The following SPTA1 variants were observed in gnomAD, a reference collection of about 807,000 sequenced individuals.
SPTA1 encodes spectrin alpha chain, erythrocytic 1.
Under a neutral mutation model 324.7 loss-of-function variants are expected in SPTA1, and 177 were observed. The ratio of observed to expected loss-of-function variants is 0.55; its 90% CI spans 0.48 to 0.62. The LOEUF (loss-of-function observed/expected upper bound fraction) is 0.62, where lower values mean the gene tolerates loss of function less well. SPTA1 is among the 20% of genes least tolerant of loss of function. The pLI is 0.00. For missense variants in SPTA1, 3,162 were observed against 2,883.6 expected (o/e 1.10, Z -2.21); for synonymous variants, 1,195 against 1,041.3 (o/e 1.15, Z -2.84).
rs777215763 is a variant in SPTA1 at position 158,661,343 on chromosome 1, C to A, written c.2531G>T (p.Ser844Ile). 2.5e-6 allele frequency: 4 copies of A among 1,613,828 alleles called. No individual in the cohort carries two copies. The African/African-American group carries it at 5.3e-5, about 22-fold the overall frequency. Residue 844 changes from serine (S) to isoleucine (I), a missense_variant, in exon 18 of 52, where the codon AGC becomes ATC. Transcript: ENST00000643759. ...RHRVILENIA[S>I]HEPRIQEITE... ...TATCTCTTGAATGCGTGGTTCATGG[C>A]TGGCAATGTTCTCCAGGATGACTCT...
At chr1:158,634,410 T>C (rs1650906386) in intron 39 of SPTA1, 133 bp downstream of exon 39, 1 of 1,342,178 alleles carries the variant, frequency 7.5e-7, no homozygotes, top group Admixed American at 1.7e-5. Flanking sequence ...TTTAAAACTG[T>C]CAGGATTATT....
intron 26 of SPTA1, 120 bp from the exon 27 acceptor site, chr1:158,647,840 T>C: frequency 1.9e-6 from 2 of 1,053,574 alleles, no homozygotes; most frequent in Non-Finnish European, 2.8e-6. Context: ...TACAAGTATG[T>C]CATCATACTT....
rs1433511024 is a variant in SPTA1, at chr1:158,653,202, C to T, written c.3188+72G>A. 3.7e-6 allele frequency: 6 copies of T among 1,602,948 alleles called. No homozygotes were observed. The South Asian group carries it at 5.5e-5, about 15-fold the overall frequency. ...ATCTCAAATCTAACAGATGCAGGGT[C>T]ATGAGAAGAAATGCCTTTGGCGAAA... On this transcript the variant is annotated intron_variant, in intron 22 of 51. Transcript: ENST00000643759.
intron 39 of SPTA1, among the ~76,000 whole-genome samples, chr1:158,633,335 C>T (rs1571405049): frequency 1.3e-5 from 2 of 152,220 alleles, no homozygotes; most frequent in East Asian, 3.9e-4. Flanking sequence ...TGAGATCTGT[C>T]TGTGTTATTT....
In SPTA1 at chr1:158,680,242, A is replaced by G. The variant is rs182146514; in HGVS notation, c.678+341T>C. Among the ~76,000 whole-genome samples, 1,009 of 152,184 alleles carry G rather than the reference A, an allele frequency of 6.6e-3. 1 individual carries two copies. Among genetic ancestry groups the G allele is most frequent in the Non-Finnish European group, 0.012 (784 of 68,006 alleles). On this transcript the variant is annotated intron_variant, in intron 5 of 51. Transcript: ENST00000643759. ...TGCTACTTTATTTTTGTGTTTTTTC[A>G]TGAAGAAAGAGTGCCCCATTAACAT...
intron 14 of SPTA1, among the ~76,000 whole-genome samples, chr1:158,668,806 T>A (rs1359562798): frequency 1.3e-5 from 2 of 152,080 alleles, no homozygotes. Context: ...AAAGCAAAAA[T>A]TCAAGCCCAG....
intron 51 of SPTA1, 140 bp downstream of exon 51, chr1:158,612,677 G>C (rs1271258083): frequency 1.1e-6 from 1 of 892,670 alleles, no homozygotes; most frequent in Non-Finnish European, 1.8e-6. Flanking sequence ...GGTTACCAAA[G>C]CAAATGACAT....
chr1:158,614,721 A>G (rs1649453849), intron 48 of SPTA1: 2 of 193,822 alleles, frequency 1.0e-5, no homozygotes, highest in South Asian at 2.1e-4. Context: ...ATTTATTATC[A>G]GACCATTTAC....
chr1:158,632,868 C>T (rs2101797947), intron 39 of SPTA1, among the ~76,000 whole-genome samples: 1 of 150,960 alleles, frequency 6.6e-6, no homozygotes, highest in African/African-American at 2.4e-5. Context: ...GCATTAAAAT[C>T]TGTGCATGAA....
chr1:158,610,991 A>G lies in SPTA1; in HGVS notation c.*273T>C. 1 of 383,018 alleles carries G rather than the reference A, an allele frequency of 2.6e-6. No homozygotes were observed. Among genetic ancestry groups the G allele is most frequent in the Non-Finnish European group, 4.8e-6 (1 of 206,484 alleles). The allele number at this position is 383,018 out of a possible 1,614,324, so 23.7% of individuals were successfully genotyped here. A position where few individuals can be genotyped will look rare whatever the true frequency, so the allele number is the denominator to read the frequency against. ...GACGTGCAAAACAGAACAAATAAAA[A>G]TAGAAACTTTGACACCCCTCAGCAG... On this transcript the variant is annotated 3_prime_UTR_variant, in exon 52 of 52. Coordinates refer to ENST00000643759, the MANE Select transcript of SPTA1 (RefSeq NM_003126.4).
At chr1:158,612,710 A>G in intron 51 of SPTA1, 107 bp downstream of exon 51, 1 of 1,348,690 alleles carries the variant, frequency 7.4e-7, no homozygotes, top group South Asian at 1.2e-5. Context: ...GAGGTCTGAA[A>G]AAAAAAAACA....
At chr1:158,653,211 A>G in intron 22 of SPTA1, 63 bp downstream of exon 22, 1 of 1,612,084 alleles carries the variant, frequency 6.2e-7, no homozygotes, top group Non-Finnish European at 8.5e-7. Flanking sequence ...TCATGAGAAG[A>G]AATGCCTTTG....
rs761477356 is a variant in SPTA1 at position 158,614,245 on chromosome 1, A to C, written c.6842+8T>G. 1.9e-6 allele frequency: 3 copies of C among 1,572,694 alleles called. No individual in the cohort carries two copies. The highest frequency in any genetic ancestry group is 2.2e-5 in the South Asian group (2 of 89,978). On this transcript the variant is annotated splice_region_variant and intron_variant, in intron 49 of 51. Transcript: ENST00000643759. ...CAAAGAAGCAGTTAACTATGAAATT[A>C]TACTCACTTATAGATTGTGCTAAAT...
chr1:158,642,679 A>G (rs1651695391), intron 32 of SPTA1, 135 bp downstream of exon 32: 2 of 1,561,082 alleles, frequency 1.3e-6, no homozygotes, highest in African/African-American at 2.7e-5. Flanking sequence ...CCTGCTCCAC[A>G]TCAGACTCTG....
At chr1:158,679,553 T>A (rs1654644682) in intron 5 of SPTA1, among the ~76,000 whole-genome samples, 1 of 151,912 alleles carries the variant, frequency 6.6e-6, no homozygotes, top group Non-Finnish European at 1.5e-5. Flanking sequence ...TGATGAGAGG[T>A]CACCCAGAGA....
chr1:158,624,424 A>T (rs1342659114), intron 42 of SPTA1, among the ~76,000 whole-genome samples: 1 of 152,206 alleles, frequency 6.6e-6, no homozygotes, highest in African/African-American at 2.4e-5. Flanking sequence ...TGTGCCCTGG[A>T]TGTGGGACAT....
chr1:158,629,219 AT>A (rs1650515830), intron 39 of SPTA1, among the ~76,000 whole-genome samples: 1 of 150,130 alleles, frequency 6.7e-6, no homozygotes, highest in Non-Finnish European at 1.5e-5. Flanking sequence ...CTATCTATCT[AT>A]CTATCTGAAT....
intron 23 of SPTA1, 25 bp from the exon 24 acceptor site, chr1:158,651,493 C>A (rs888929273): frequency 1.3e-6 from 2 of 1,494,948 alleles, no homozygotes; most frequent in Admixed American, 1.7e-5. Flanking sequence ...TCATCCAAAG[C>A]AGTGTAAATT....
At chr1:158,672,529 C>T (rs1038007372) in intron 10 of SPTA1, among the ~76,000 whole-genome samples, 3 of 152,046 alleles carry the variant, frequency 2.0e-5, no homozygotes, top group Non-Finnish European at 2.9e-5. Flanking sequence ...ATGCCATAAG[C>T]AAATGAACTG....
Sources: gnomAD v4.1 joint callset for allele counts (sites outside exome capture counted in the v4.1 genomes callset) on GRCh38, gnomAD v4.1.1 for gene constraint, MANE v1.5 for transcripts, NCBI Gene and HGNC (gene_info 2026-07-23, HGNC 2026-07-21) for gene names.